Variants in ADPRHL1 observed in about 807,000 individuals in gnomAD.
The protein encoded by ADPRHL1 is ADP-ribosylhydrolase like 1, also known as inactive ADP-ribosyltransferase ARH2.
Under a neutral mutation model 44.1 loss-of-function variants are expected in ADPRHL1, and 43 were observed. The observed-to-expected ratio is 0.98, with a 90% CI of 0.76 to 1.26. The LOEUF (loss-of-function observed/expected upper bound fraction) is 1.26, where lower values mean the gene tolerates loss of function less well. Among genes scored for constraint, ADPRHL1 ranks in the 50% most tolerant of loss-of-function variants. The probability of loss-of-function intolerance (pLI) is 0.00; values close to 1 mark genes in which losing one functional copy is unlikely to be tolerated. For missense variants in ADPRHL1, 2,022 were observed against 2,496.9 expected, an observed-to-expected ratio of 0.81 and a Z score of 4.05; for synonymous variants, 878 against 1,017.4, an observed-to-expected ratio of 0.86 and a Z score of 2.61.
At chr13:113,428,891 G>A in intron 4 of ADPRHL1, 61 bp downstream of exon 4, 1 of 1,599,118 alleles carries the variant, frequency 6.3e-7, no homozygotes, top group Non-Finnish European at 8.5e-7. Context: ...GGGGCCCATG[G>A]AGGGGCTGGA....
chr13:113,412,243 T>A (rs1409904637), intron 7 of ADPRHL1, among the ~76,000 whole-genome samples: 2 of 152,150 alleles, frequency 1.3e-5, no homozygotes, highest in African/African-American at 4.8e-5. Context: ...AGTGGCGCGA[T>A]CTCGACTCAC....
chr13:113,420,585 CA>C (rs1353632595), intron 7 of ADPRHL1, among the ~76,000 whole-genome samples: 4 of 152,084 alleles, frequency 2.6e-5, no homozygotes, highest in Non-Finnish European at 5.9e-5. Flanking sequence ...TCCCCACACC[CA>C]CGGGTGCTGG....
intron 2 of ADPRHL1, among the ~76,000 whole-genome samples, chr13:113,435,878 C>T (rs71449003): frequency 1.4e-3 from 95 of 68,544 alleles, no homozygotes; most frequent in African/African-American, 1.4e-3. Context: ...AGAGTGAACA[C>T]AGGTGTACCC....
At chr13:113,414,744 C>T (rs1203150995) in intron 7 of ADPRHL1, among the ~76,000 whole-genome samples, 4 of 151,122 alleles carry the variant, frequency 2.6e-5, no homozygotes, top group Non-Finnish European at 4.4e-5. Flanking sequence ...GGCGTGATCT[C>T]GGCTCACTGC....
chr13:113,434,057 G>A (rs1164112204), intron 2 of ADPRHL1, among the ~76,000 whole-genome samples, 190 bp from the exon 3 acceptor site: 2 of 152,222 alleles, frequency 1.3e-5, no homozygotes, highest in Non-Finnish European at 2.9e-5. Flanking sequence ...GGGCAAATTC[G>A]GTTGCATCCA....
At position 113,441,586 on chromosome 13, in the gene ADPRHL1, C is replaced by T. The variant is rs964677305; in HGVS notation, c.379+2839G>A. Among the ~76,000 whole-genome samples, 1 of 152,190 alleles carries T rather than the reference C, an allele frequency of 6.6e-6. No individual in the cohort carries two copies. Among genetic ancestry groups the T allele is most frequent in the African/African-American group, 2.4e-5 (1 of 41,434 alleles). On this transcript the variant is annotated intron_variant, in intron 2 of 7. Coordinates refer to ENST00000612156, the MANE Select transcript of ADPRHL1 (RefSeq NM_001394807.1). The surrounding 1 kb of genome is among the most constrained non-coding windows in gnomAD (Gnocchi z 6.0). ...GTACATTCTACTTATATTTTATAAA[C>T]CATACCGTTCATTATTATTTTTAAG...
intron 1 of ADPRHL1, among the ~76,000 whole-genome samples, chr13:113,450,441 A>G (rs1366650427): frequency 6.6e-6 from 1 of 152,158 alleles, no homozygotes; most frequent in Non-Finnish European, 1.5e-5. Context: ...ATAAAGACAC[A>G]AGACAAGAGA....
chr13:113,415,770 A>AAAAAAAAAAAAAG (rs1555325970), intron 7 of ADPRHL1, among the ~76,000 whole-genome samples: 7 of 132,884 alleles, frequency 5.3e-5, no homozygotes, highest in African/African-American at 9.3e-5. Flanking sequence ...AAAAAAAAAA[A>AAAAAAAAAAAAAG]AGAGAGAGAG....
Position 113,408,328 on chromosome 13 carries a change from T to G in ADPRHL1, c.1062-108A>C, listed in dbSNP as rs929935443. 9.8e-6 allele frequency: 11 copies of G among 1,123,346 alleles called. No individual in the cohort carries two copies. In the Admixed American group the frequency reaches 1.3e-4, roughly 13 times the overall value. The allele number at this position is 1,123,346 out of a possible 1,614,324, so 69.6% of individuals were successfully genotyped here. ...CCCACCTTTTCAGGGGCCCCAAAAGTCTGGTAGGGAGAAAAAGAGATTAGG... is the reference window on the plus strand; with the variant it reads ...CCCACCTTTTCAGGGGCCCCAAAAGGCTGGTAGGGAGAAAAAGAGATTAGG... On this transcript the variant is annotated intron_variant, in intron 7 of 7. Coordinates refer to ENST00000612156, the MANE Select transcript of ADPRHL1 (RefSeq NM_001394807.1).
chr13:113,434,957 G>C (rs2044038973), intron 2 of ADPRHL1, among the ~76,000 whole-genome samples: 1 of 126,114 alleles, frequency 7.9e-6, no homozygotes, highest in Non-Finnish European at 1.7e-5. Flanking sequence ...GTGAACACAG[G>C]TGTACCCCGG....
At chr13:113,419,790 T>C (rs1475232887) in intron 7 of ADPRHL1, among the ~76,000 whole-genome samples, 1 of 152,196 alleles carries the variant, frequency 6.6e-6, no homozygotes, top group Non-Finnish European at 1.5e-5. Flanking sequence ...CCTAGTTTAA[T>C]GAAAACAGCC....
rs567685036 is a variant in ADPRHL1, at chr13:113,449,599, C to T, written c.214+3625G>A. Among the ~76,000 whole-genome samples, 4 of 152,368 alleles carry T rather than the reference C, an allele frequency of 2.6e-5. No homozygotes were observed. In the South Asian group the frequency reaches 8.3e-4, roughly 32 times the overall value. On this transcript the variant is annotated intron_variant, in intron 1 of 7. Transcript: ENST00000612156. Reference sequence around the variant, plus strand: ...GGCAGCCCGGTTCAGAGAGGCTCACCCGGAAGGAGGGAGCCACACAGGCTG... The same window carrying T: ...GGCAGCCCGGTTCAGAGAGGCTCACTCGGAAGGAGGGAGCCACACAGGCTG...
chr13:113,423,022 A>C, intron 6 of ADPRHL1, 43 bp from the exon 7 acceptor site: 1 of 1,610,746 alleles, frequency 6.2e-7, no homozygotes, highest in Non-Finnish European at 8.5e-7. Flanking sequence ...CCACCTGACC[A>C]GGGCCTCTGC....
At chr13:113,447,253 C>T (rs1460312986) in intron 1 of ADPRHL1, among the ~76,000 whole-genome samples, 74 of 93,706 alleles carry the variant, frequency 7.9e-4, no homozygotes, top group East Asian at 1.1e-3. Flanking sequence ...GGCGTCTACA[C>T]GCACGGTGTT....
intron 7 of ADPRHL1, among the ~76,000 whole-genome samples, chr13:113,414,957 G>A (rs1005111443): frequency 6.6e-6 from 1 of 152,182 alleles, no homozygotes; most frequent in Non-Finnish European, 1.5e-5. Flanking sequence ...ACAGGCATGA[G>A]CCACCATGCC....
Position 113,441,248 on chromosome 13 carries a change from C to G in ADPRHL1, c.379+3177G>C, listed in dbSNP as rs2044096295. 6.6e-6 allele frequency among the ~76,000 whole-genome samples: 1 copy of G among 152,148 alleles called. No individual in the cohort carries two copies. Among genetic ancestry groups the G allele is most frequent in the African/African-American group, 2.4e-5 (1 of 41,412 alleles). On this transcript the variant is annotated intron_variant, in intron 2 of 7. Transcript: ENST00000612156. This position sits in a 1 kb window ranked among gnomAD's most constrained non-coding sequence, Gnocchi z 6.0. ...ACAACTTCTGACTGTTATTGGGGGT[C>G]TTCACACCATTCGCATTTGGCGTCA...
At chr13:113,424,158 G>A in intron 6 of ADPRHL1, 59 bp downstream of exon 6, 1 of 1,600,558 alleles carries the variant, frequency 6.2e-7, no homozygotes, top group Non-Finnish European at 8.5e-7. Context: ...CTCCGAGGGG[G>A]TGCTTCAGAA....
Position 113,411,313 on chromosome 13 carries a change from G to A in ADPRHL1, c.1062-3093C>T, listed in dbSNP as rs191637381. Among the ~76,000 whole-genome samples the A allele has an allele frequency of 2.6e-3, 398 of 152,212 alleles. 3 individuals carry two copies. The highest frequency in any genetic ancestry group is 8.8e-3 in the African/African-American group (365 of 41,558). ...CTCAGGTGGTGGGCAGCTTGGTGACGGGACCACTCCCCACACTCGGAGCCC... is the reference window on the plus strand; with the variant it reads ...CTCAGGTGGTGGGCAGCTTGGTGACAGGACCACTCCCCACACTCGGAGCCC... On this transcript the variant is annotated intron_variant, in intron 7 of 7. Transcript: ENST00000612156.
Position 113,404,437 on chromosome 13 carries a change from C to A in ADPRHL1, c.4845G>T (p.Gln1615His). The change falls in exon 8 of 8, where the codon CAG becomes CAT. Residue 1615 changes from glutamine to histidine, a missense_variant. Gln to His is a conservative substitution (Grantham distance 24). Around this residue, in one of 8 missense-constraint regions of ADPRHL1, gnomAD observed 78 missense variants for 76.5 expected, o/e 1.02. Transcript: ENST00000612156. ...QKWAQEEAQGQAQWQTQIKAQ... is the reference protein window; with the variant it reads ...QKWAQEEAQGHAQWQTQIKAQ... ...CCTTTATCTGGGTCTGCCACTGGGC[C>A]TGTCCCTGAGCCTCTTCCTGGGCCC... 1 of 1,323,452 alleles carries A rather than the reference C, an allele frequency of 7.6e-7. No individual in the cohort carries two copies. Among genetic ancestry groups the A allele is most frequent in the Non-Finnish European group, 9.6e-7 (1 of 1,044,418 alleles). The allele number at this position is 1,323,452 out of a possible 1,614,324, so 82.0% of individuals were successfully genotyped here. A position where few individuals can be genotyped will look rare whatever the true frequency, so the allele number is the denominator to read the frequency against.
Sources: gnomAD v4.1 joint callset for allele counts (sites outside exome capture counted in the v4.1 genomes callset) on GRCh38, gnomAD v4.1.1 for gene constraint, gnomAD v4.1.1 regional missense constraint, Gnocchi (gnomAD v3.1) non-coding constraint, MANE v1.5 for transcripts, NCBI Gene and HGNC (gene_info 2026-07-23, HGNC 2026-07-21) for gene names.